The following PCNX2 variants were observed in gnomAD, a reference collection of about 807,000 sequenced individuals.
PCNX2 encodes pecanex 2.
In PCNX2, 168 loss-of-function variants were observed where a neutral mutation model predicts 223.8. That is an observed-to-expected ratio of 0.75 (90% CI 0.66 to 0.85). The LOEUF (loss-of-function observed/expected upper bound fraction) is 0.85. Ranked by LOEUF, PCNX2 falls within the 40% of genes least tolerant of loss-of-function variation. The pLI, the probability that PCNX2 is intolerant of heterozygous loss-of-function variation, is 0.00. For synonymous variants in PCNX2, 1,006 were observed against 1,052.6 expected (o/e 0.96, Z 0.86); for missense variants, 2,507 against 2,675.5 (o/e 0.94, Z 1.39).
chr1:233,199,285 G>A (rs368809270), intron 14 of PCNX2, among the ~76,000 whole-genome samples: 1 of 152,148 alleles, frequency 6.6e-6, no homozygotes, highest in African/African-American at 2.4e-5. Flanking sequence ...ATGTGAATGT[G>A]TCAGAATGAA....
At chr1:233,090,039 A>G in intron 23 of PCNX2, 22 bp downstream of exon 23, 2 of 1,613,308 alleles carry the variant, frequency 1.2e-6, no homozygotes, top group Non-Finnish European at 1.7e-6. Flanking sequence ...AAAGCAATTG[A>G]GCACTGATTT....
At chr1:232,984,790 T>C (rs895964537) in intron 33 of PCNX2, 1 of 270,582 alleles carries the variant, frequency 3.7e-6, no homozygotes. Context: ...TCAGTGTCAC[T>C]TCATGCACAC....
rs3766492 is a variant in PCNX2, at chr1:232,991,033, C to G, written c.5792-4493G>C. 0.17 allele frequency among the ~76,000 whole-genome samples: 25,848 copies of G among 152,082 alleles called. 2,611 individuals are homozygous for G. The highest frequency in any genetic ancestry group is 0.23 in the Non-Finnish European group (15,672 of 67,972). On this transcript the variant is annotated intron_variant, in intron 32 of 33. Coordinates refer to ENST00000258229, the MANE Select transcript of PCNX2 (RefSeq NM_014801.4). The surrounding 1 kb of genome is among the most constrained non-coding windows in gnomAD (Gnocchi z 4.3). ...GCTCTGCAGAAGTTAGGGCTGCCCA[C>G]CTGAGCGTCCACCGTGGGCTGCACT...
At chr1:233,169,660 AT>A (rs1416978493) in intron 17 of PCNX2, among the ~76,000 whole-genome samples, 3 of 151,582 alleles carry the variant, frequency 2.0e-5, no homozygotes, top group Admixed American at 6.6e-5. Context: ...AAAAAAAAAA[AT>A]GTGACACAGG....
At chr1:233,195,011 C>A in intron 15 of PCNX2, among the ~76,000 whole-genome samples, 2 of 127,192 alleles carry the variant, frequency 1.6e-5, no homozygotes, top group Admixed American at 7.9e-5. Context: ...AGTGAGATTC[C>A]ATCTCAAAAA....
In PCNX2 at chr1:232,999,178, G is replaced by C. The variant is rs750246976; in HGVS notation, c.5530C>G (p.Gln1844Glu). ...LTTSYLGTHR[Q>E]LKNIWGGPIT... ...GGTCCACCCCAGATGTTCTTCAGCT[G>C]CCTGTGTGTCCCTAGGTAGGATGTG... Residue 1844 changes from glutamine to glutamate, a missense_variant, in exon 31 of 34, where the codon CAG (glutamine) becomes GAG (glutamate). Physicochemically the swap from Gln to Glu is conservative, Grantham distance 29. Around this residue, in one of 3 missense-constraint regions of PCNX2, gnomAD observed 1,372 missense variants for 1,509.4 expected, o/e 0.91. Coordinates refer to ENST00000258229, the MANE Select transcript of PCNX2 (RefSeq NM_014801.4). 6.2e-7 allele frequency: 1 copy of C among 1,613,940 alleles called. No homozygotes were observed. The highest frequency in any genetic ancestry group is 1.1e-5 in the South Asian group (1 of 91,070).
chr1:233,153,475 A>C (rs1376120285), intron 19 of PCNX2, among the ~76,000 whole-genome samples: 1 of 152,250 alleles, frequency 6.6e-6, no homozygotes, highest in Non-Finnish European at 1.5e-5. Flanking sequence ...CAAGGTCTAT[A>C]CTACTGGACT....
At chr1:233,272,680 A>G (rs1660703014) in intron 1 of PCNX2, among the ~76,000 whole-genome samples, 1 of 152,236 alleles carries the variant, frequency 6.6e-6, no homozygotes, top group Non-Finnish European at 1.5e-5. Context: ...TATATGAAAA[A>G]GATACTTGCA....
chr1:233,093,090 T>C (rs114392706), intron 22 of PCNX2, among the ~76,000 whole-genome samples: 2,233 of 152,286 alleles, frequency 0.015, 31 homozygotes, highest in African/African-American at 0.04. Flanking sequence ...TGAGCCACTG[T>C]GCCCAGCCAG....
At chr1:233,324,544 T>C in the PCNX2 span, among the ~76,000 whole-genome samples, 6 of 151,842 alleles carry the variant, frequency 4.0e-5, no homozygotes, top group South Asian at 8.3e-4. Context: ...GCCATATCAA[T>C]GGCACAACAA....
chr1:233,097,424 T>C (rs901706000), intron 21 of PCNX2, among the ~76,000 whole-genome samples: 9 of 152,076 alleles, frequency 5.9e-5, no homozygotes, highest in Middle Eastern at 3.2e-3. Flanking sequence ...GAAATATCAA[T>C]TCCAGGAAAG....
chr1:233,272,142 G>A (rs1660668800), intron 1 of PCNX2, among the ~76,000 whole-genome samples: 1 of 152,010 alleles, frequency 6.6e-6, no homozygotes, highest in Non-Finnish European at 1.5e-5. Context: ...TAAATAAGTA[G>A]GACTTAATTA....
chr1:232,999,666 C>T (rs1213648621), intron 30 of PCNX2: 2 of 327,560 alleles, frequency 6.1e-6, no homozygotes, highest in South Asian at 3.3e-5. Context: ...GTTGGTCAGG[C>T]TGGTCTCGAA....
At chr1:233,096,370 G>C (rs1013322506) in intron 21 of PCNX2, among the ~76,000 whole-genome samples, 1 of 152,200 alleles carries the variant, frequency 6.6e-6, no homozygotes. Context: ...AGACAAGCCA[G>C]CACAAGGAAA....
intron 23 of PCNX2, among the ~76,000 whole-genome samples, chr1:233,061,593 A>G (rs1200741535): frequency 2.6e-5 from 4 of 152,052 alleles, no homozygotes; most frequent in South Asian, 2.1e-4. Context: ...GGTTTGGCAG[A>G]TGGTCTTGAA....
chr1:233,086,914 G>A, intron 23 of PCNX2: 1 of 653,364 alleles, frequency 1.5e-6, no homozygotes, highest in Non-Finnish European at 1.9e-6. Flanking sequence ...GTGACAAGCT[G>A]AGAGCTGTGT....
At chr1:233,248,029 C>T (rs900381439) in intron 8 of PCNX2, among the ~76,000 whole-genome samples, 1 of 152,114 alleles carries the variant, frequency 6.6e-6, no homozygotes, top group Non-Finnish European at 1.5e-5. Flanking sequence ...GACTGGTGGA[C>T]CAAGACCTTG....
At chr1:232,997,949 A>G (rs147021489) in intron 32 of PCNX2, among the ~76,000 whole-genome samples, 41 of 152,316 alleles carry the variant, frequency 2.7e-4, no homozygotes, top group Non-Finnish European at 5.3e-4. Context: ...GCACACCATC[A>G]AACGGTCATA....
intron 1 of PCNX2, among the ~76,000 whole-genome samples, chr1:233,265,510 C>T (rs1382504758): frequency 6.6e-6 from 1 of 152,150 alleles, no homozygotes; most frequent in East Asian, 1.9e-4. Context: ...TACTTGGTGA[C>T]CTCAGAAGAC....
Sources: allele counts gnomAD v4.1 joint callset (sites outside exome capture counted in the v4.1 genomes callset), GRCh38; gene constraint gnomAD v4.1.1; regional missense constraint gnomAD v4.1.1; non-coding constraint Gnocchi (gnomAD v3.1); transcripts MANE v1.5; gene names NCBI Gene and HGNC (gene_info 2026-07-23, HGNC 2026-07-21).